The following ASCC3 variants were observed in gnomAD, a reference collection of about 807,000 sequenced individuals.
The protein encoded by ASCC3 is activating signal cointegrator 1 complex subunit 3.
Under a neutral mutation model 256.3 loss-of-function variants are expected in ASCC3, and 158 were observed. That is an observed-to-expected ratio of 0.62 (90% CI 0.54 to 0.70). The LOEUF is 0.70. ASCC3 is among the 30% of genes least tolerant of loss of function. The probability of loss-of-function intolerance (pLI) is 0.00; values close to 1 mark genes in which losing one functional copy is unlikely to be tolerated. For synonymous variants in ASCC3, 948 were observed against 883.4 expected, an observed-to-expected ratio of 1.07 and a Z score of -1.30; for missense variants, 2,259 against 2,626.0, an observed-to-expected ratio of 0.86 and a Z score of 3.05.
intron 14 of ASCC3, among the ~76,000 whole-genome samples, chr6:100,677,515 T>C (rs1777085346): frequency 6.6e-6 from 1 of 152,132 alleles, no homozygotes. Flanking sequence ...ATTTACTTTC[T>C]CAGTTTTCGT....
chr6:100,747,256 C>T (rs1780725111), intron 10 of ASCC3, among the ~76,000 whole-genome samples: 1 of 151,864 alleles, frequency 6.6e-6, no homozygotes, highest in Non-Finnish European at 1.5e-5. Flanking sequence ...AGTACTCATA[C>T]AAGTTTTGAA....
rs74997006 is a variant in ASCC3, at chr6:100,739,449, C to T, written c.1738-13746G>A. Among the ~76,000 whole-genome samples the T allele has an allele frequency of 3.3e-5, 5 of 152,238 alleles. No homozygotes were observed. In the East Asian group the frequency reaches 9.7e-4, roughly 29 times the overall value. On this transcript the variant is annotated intron_variant, in intron 10 of 41. Transcript: ENST00000369162. ...GGTTTTGGCATCAGGATGATGCTGG[C>T]CTCACAAAATGAGTTAGGGAGGAGT...
At chr6:100,633,889 AG>A (rs1158032316) in intron 25 of ASCC3, among the ~76,000 whole-genome samples, 2 of 151,604 alleles carry the variant, frequency 1.3e-5, no homozygotes, top group Non-Finnish European at 2.9e-5. Context: ...AAAAAAAAAA[AG>A]AAAAAAGAAA....
chr6:100,646,551 T>A lies in ASCC3; in HGVS notation c.3633+64A>T. The A allele has an allele frequency of 2.7e-6, 4 of 1,490,034 alleles. No individual in the cohort carries two copies. The Middle Eastern group carries it at 6.9e-4, about 258-fold the overall frequency. The allele number at this position is 1,490,034 out of a possible 1,614,324, so 92.3% of individuals were successfully genotyped here. On this transcript the variant is annotated intron_variant, in intron 22 of 41. Coordinates refer to ENST00000369162, the MANE Select transcript of ASCC3 (RefSeq NM_006828.4). ...ATTTTCTATATGCCTTAGGAACAGATGTAGTTGAGTCTGTAGTACAGATAT... is the reference window on the plus strand; with the variant it reads ...ATTTTCTATATGCCTTAGGAACAGAAGTAGTTGAGTCTGTAGTACAGATAT...
Position 100,509,204 on chromosome 6 carries a change from A to T in ASCC3, c.*182T>A. 1 of 720,702 alleles carries T rather than the reference A, an allele frequency of 1.4e-6. No individual in the cohort carries two copies. Among genetic ancestry groups the T allele is most frequent in the Non-Finnish European group, 2.4e-6 (1 of 422,412 alleles). The allele number at this position is 720,702 out of a possible 1,614,324, so 44.6% of individuals were successfully genotyped here. ...AACATTATAAAAGGCAACATTTGTT[A>T]AAAGGCCACTGTGGTTAACTTTATG... On this transcript the variant is annotated 3_prime_UTR_variant, in exon 42 of 42. Coordinates refer to ENST00000369162, the MANE Select transcript of ASCC3 (RefSeq NM_006828.4).
intron 8 of ASCC3, among the ~76,000 whole-genome samples, chr6:100,786,512 C>T (rs371427683): frequency 3.7e-4 from 57 of 152,150 alleles, no homozygotes; most frequent in Admixed American, 1.5e-3. Flanking sequence ...ATGGACTTGA[C>T]CGTATAAGTG....
At chr6:100,737,888 T>G (rs149965894) in intron 10 of ASCC3, among the ~76,000 whole-genome samples, 1 of 152,190 alleles carries the variant, frequency 6.6e-6, no homozygotes, top group African/African-American at 2.4e-5. Flanking sequence ...CCAGCATCTG[T>G]TGTTTACTGA....
intron 14 of ASCC3, among the ~76,000 whole-genome samples, chr6:100,675,119 A>C (rs1776944568): frequency 7.0e-6 from 1 of 142,780 alleles, no homozygotes; most frequent in Non-Finnish European, 1.5e-5. Context: ...AATGCAATTA[A>C]GCAAACAGTT....
chr6:100,617,753 T>C (rs1025835816), intron 30 of ASCC3, among the ~76,000 whole-genome samples: 5 of 152,222 alleles, frequency 3.3e-5, no homozygotes, highest in Non-Finnish European at 5.9e-5. Flanking sequence ...CTACAGTGTT[T>C]TAGGACACTG....
At chr6:100,636,604 G>A (rs986794959) in intron 25 of ASCC3, among the ~76,000 whole-genome samples, 1 of 152,150 alleles carries the variant, frequency 6.6e-6, no homozygotes, top group African/African-American at 2.4e-5. Flanking sequence ...AAGGCATGTC[G>A]AAAGCTGAGA....
At chr6:100,758,618 T>C (rs1018255283) in intron 10 of ASCC3, among the ~76,000 whole-genome samples, 1 of 152,220 alleles carries the variant, frequency 6.6e-6, no homozygotes, top group African/African-American at 2.4e-5. Flanking sequence ...TATACCACAT[T>C]TTCTTTATCC....
intron 14 of ASCC3, among the ~76,000 whole-genome samples, chr6:100,671,826 T>TAACA (rs1274983277): frequency 1.3e-5 from 2 of 152,154 alleles, no homozygotes; most frequent in East Asian, 3.9e-4. Context: ...ACTTCTAAAC[T>TAACA]AACACAAATA....
rs1231443634 is a variant in ASCC3, at chr6:100,650,846, T to A, written c.3076-132A>T. On this transcript the variant is annotated intron_variant, in intron 19 of 41. Transcript: ENST00000369162. ...ATGCAGCATTTTTCTTTCATAGAGTTAAATAACAATGATTTTTCCATAGGT... is the reference window on the plus strand; with the variant it reads ...ATGCAGCATTTTTCTTTCATAGAGTAAAATAACAATGATTTTTCCATAGGT... 4.1e-6 allele frequency: 3 copies of A among 736,940 alleles called. No homozygotes were observed. In the African/African-American group the frequency reaches 5.3e-5, roughly 13 times the overall value. 45.7% of individuals were successfully genotyped at this position (736,940 alleles called of 1,614,324 possible). A position where few individuals can be genotyped will look rare whatever the true frequency, so the allele number is the denominator to read the frequency against.
At chr6:100,758,304 A>G (rs2115110020) in intron 10 of ASCC3, among the ~76,000 whole-genome samples, 1 of 152,194 alleles carries the variant, frequency 6.6e-6, no homozygotes, top group African/African-American at 2.4e-5. Context: ...GGTTTGTTAC[A>G]CAGGTATATG....
intron 3 of ASCC3, among the ~76,000 whole-genome samples, chr6:100,853,836 T>A (rs1033698132): frequency 6.6e-6 from 1 of 152,198 alleles, no homozygotes; most frequent in Non-Finnish European, 1.5e-5. Context: ...TTAGCTGATT[T>A]TTTTGAATCT....
At chr6:100,744,384 T>C (rs773973724) in intron 10 of ASCC3, among the ~76,000 whole-genome samples, 1 of 152,168 alleles carries the variant, frequency 6.6e-6, no homozygotes, top group Admixed American at 6.5e-5. Flanking sequence ...GTAACAACAA[T>C]TTCTGTGCCT....
intron 1 of ASCC3, 37 bp downstream of exon 1, chr6:100,881,024 C>T (rs1394670391): frequency 6.6e-6 from 1 of 152,146 alleles, no homozygotes; most frequent in Non-Finnish European, 1.5e-5. Context: ...CCGCGGCGAC[C>T]CTTCTCGTCC....
intron 4 of ASCC3, among the ~76,000 whole-genome samples, chr6:100,813,653 G>A (rs1770598580): frequency 6.6e-6 from 1 of 151,980 alleles, no homozygotes; most frequent in Admixed American, 6.6e-5. Flanking sequence ...GTGTGTTTGT[G>A]TATAAGCAAA....
At chr6:100,523,584 G>A (rs1053514284) in intron 37 of ASCC3, among the ~76,000 whole-genome samples, 3 of 152,078 alleles carry the variant, frequency 2.0e-5, no homozygotes, top group Admixed American at 6.6e-5. Flanking sequence ...AAAGGTGTGG[G>A]GTTCCTGAAG....
Sources: gnomAD v4.1 joint callset for allele counts (sites outside exome capture counted in the v4.1 genomes callset) on GRCh38, gnomAD v4.1.1 for gene constraint, MANE v1.5 for transcripts, NCBI Gene and HGNC (gene_info 2026-07-23, HGNC 2026-07-21) for gene names.